Variants in KCNIP4 observed in about 807,000 individuals in gnomAD.
The protein encoded by KCNIP4 is potassium voltage-gated channel interacting protein 4.
In KCNIP4, 12 loss-of-function variants were observed where a neutral mutation model predicts 34.0. The ratio of observed to expected loss-of-function variants is 0.35; its 90% CI spans 0.23 to 0.57. KCNIP4 has a LOEUF of 0.57. KCNIP4 is among the 20% of genes least tolerant of loss of function. The pLI is 0.83. For synonymous variants in KCNIP4, 124 were observed against 102.2 expected, an observed-to-expected ratio of 1.21 and a Z score of -1.29; for missense variants, 238 against 311.7, an observed-to-expected ratio of 0.76 and a Z score of 1.78.
intron 1 of KCNIP4, among the ~76,000 whole-genome samples, chr4:21,107,521 A>G (rs1288984965): frequency 6.6e-6 from 1 of 150,422 alleles, no homozygotes; most frequent in Non-Finnish European, 1.5e-5. Context: ...TTTCCTGAAT[A>G]CAGCACACTG....
chr4:21,547,674 T>C (rs550296231), intron 1 of KCNIP4, among the ~76,000 whole-genome samples: 2 of 152,230 alleles, frequency 1.3e-5, no homozygotes, highest in African/African-American at 4.8e-5. Flanking sequence ...CAATCTCAGA[T>C]ACATAAGGCC....
At chr4:21,154,216 G>A (rs184848444) in intron 1 of KCNIP4, among the ~76,000 whole-genome samples, 2 of 152,114 alleles carry the variant, frequency 1.3e-5, no homozygotes, top group African/African-American at 4.8e-5. Flanking sequence ...AGTGATAAAT[G>A]GTTTACATGA....
intron 1 of KCNIP4, among the ~76,000 whole-genome samples, chr4:21,451,732 A>T (rs1728520875): frequency 1.3e-5 from 2 of 152,142 alleles, no homozygotes; most frequent in South Asian, 4.1e-4. Flanking sequence ...GGTAACAGTT[A>T]TCAAAACTAC....
intron 1 of KCNIP4, among the ~76,000 whole-genome samples, chr4:21,863,759 C>A (rs1445937175): frequency 6.6e-6 from 1 of 152,178 alleles, no homozygotes; most frequent in Non-Finnish European, 1.5e-5. Context: ...ACCATACCTG[C>A]AACTATCCCC....
chr4:20,888,416 A>T (rs1725555176), intron 1 of KCNIP4, among the ~76,000 whole-genome samples: 1 of 152,172 alleles, frequency 6.6e-6, no homozygotes, highest in Non-Finnish European at 1.5e-5. Flanking sequence ...TAGCAGATGC[A>T]TTTAGAATGT....
At chr4:21,709,044 C>G (rs1713508256) in intron 1 of KCNIP4, among the ~76,000 whole-genome samples, 1 of 151,858 alleles carries the variant, frequency 6.6e-6, no homozygotes, top group Non-Finnish European at 1.5e-5. Flanking sequence ...TATGAGTAAG[C>G]TGAACTCTAA....
At chr4:21,284,082 G>A (rs1020355250) in intron 1 of KCNIP4, among the ~76,000 whole-genome samples, 15 of 151,770 alleles carry the variant, frequency 9.9e-5, no homozygotes, top group Admixed American at 2.0e-4. Flanking sequence ...GTGTGGTGGC[G>A]GGCGCCTGTA....
chr4:20,748,560 T>TATA (rs1752879061), intron 5 of KCNIP4, among the ~76,000 whole-genome samples: 7 of 64,902 alleles, frequency 1.1e-4, no homozygotes, highest in Non-Finnish European at 1.2e-4. Context: ...CTTCCAAATT[T>TATA]TATATATATA....
At chr4:20,756,092 C>G (rs1024804520) in intron 4 of KCNIP4, among the ~76,000 whole-genome samples, 9 of 151,598 alleles carry the variant, frequency 5.9e-5, no homozygotes, top group Non-Finnish European at 1.3e-4. Context: ...GAGGGGTCAT[C>G]AGAATCAGAG....
intron 1 of KCNIP4, among the ~76,000 whole-genome samples, chr4:20,975,499 ACTAT>A: frequency 6.6e-6 from 1 of 152,270 alleles, no homozygotes; most frequent in Non-Finnish European, 1.5e-5. Flanking sequence ...TTATATAACA[ACTAT>A]CTAAGTTGGT....
At chr4:21,642,483 G>A (rs886342014) in intron 1 of KCNIP4, among the ~76,000 whole-genome samples, 4 of 152,092 alleles carry the variant, frequency 2.6e-5, no homozygotes, top group Non-Finnish European at 4.4e-5. Context: ...ACTTTGAATC[G>A]ATATCCAAAA....
Position 20,837,786 on chromosome 4 carries a change from A to G in KCNIP4, c.288+12757T>C, listed in dbSNP as rs546986902. 2.6e-5 allele frequency among the ~76,000 whole-genome samples: 4 copies of G among 151,254 alleles called. No homozygotes were observed. The East Asian group carries it at 5.8e-4, about 22-fold the overall frequency. Reference sequence around the variant, plus strand: ...AACCTCTGCCTCCCAGGTTCAAGCAATTCTCATGCCTCAGCCTCCCGAGTA... The same window carrying G: ...AACCTCTGCCTCCCAGGTTCAAGCAGTTCTCATGCCTCAGCCTCCCGAGTA... On this transcript the variant is annotated intron_variant, in intron 3 of 8. Transcript: ENST00000382152.
intron 1 of KCNIP4, among the ~76,000 whole-genome samples, chr4:21,402,375 A>C (rs984049716): frequency 1.3e-5 from 2 of 152,214 alleles, no homozygotes; most frequent in South Asian, 4.1e-4. Flanking sequence ...GTCTCTTCAT[A>C]TTATCACAGT....
At chr4:20,887,253 T>G (rs1223151954) in intron 1 of KCNIP4, among the ~76,000 whole-genome samples, 5 of 151,878 alleles carry the variant, frequency 3.3e-5, no homozygotes, top group African/African-American at 9.7e-5. Flanking sequence ...TACTCATCTG[T>G]GCATCATATC....
intron 1 of KCNIP4, among the ~76,000 whole-genome samples, chr4:21,193,309 C>A (rs1024765515): frequency 1.3e-5 from 2 of 152,122 alleles, no homozygotes; most frequent in African/African-American, 4.8e-5. Context: ...CTTTGTGTCA[C>A]AGCTGAGCTC....
chr4:21,811,846 C>T (rs1364889171), intron 1 of KCNIP4, among the ~76,000 whole-genome samples: 2 of 152,208 alleles, frequency 1.3e-5, no homozygotes, highest in Admixed American at 1.3e-4. Flanking sequence ...TGTGTCTCAA[C>T]CAACAGAGGC....
Position 21,753,571 on chromosome 4 carries a change from A to G in KCNIP4, c.61+195000T>C, listed in dbSNP as rs149909086. On this transcript the variant is annotated intron_variant, in intron 1 of 8. Transcript: ENST00000382152. ...GCCCTAGGTTACTTCCAGTAAGCCAACAGCAAATCAGAATGGAATGTGTGA... is the reference window on the plus strand; with the variant it reads ...GCCCTAGGTTACTTCCAGTAAGCCAGCAGCAAATCAGAATGGAATGTGTGA... Among the ~76,000 whole-genome samples, 196 of 152,310 alleles carry G rather than the reference A, an allele frequency of 1.3e-3. 1 individual carries two copies. Among genetic ancestry groups the G allele is most frequent in the African/African-American group, 4.5e-3 (185 of 41,572 alleles).
intron 1 of KCNIP4, among the ~76,000 whole-genome samples, chr4:21,484,484 A>T (rs1049352434): frequency 6.6e-6 from 1 of 152,174 alleles, no homozygotes; most frequent in Non-Finnish European, 1.5e-5. Context: ...TAATTACATA[A>T]CTCATTAAAT....
rs202207852 is a variant in KCNIP4 at position 21,603,697 on chromosome 4, AT to A, written c.61+344873del. Among the ~76,000 whole-genome samples, 412 of 149,902 alleles carry A rather than the reference AT, an allele frequency of 2.7e-3. 3 individuals are homozygous for A. Among genetic ancestry groups the A allele is most frequent in the African/African-American group, 7.1e-3 (291 of 40,988 alleles). ...AGACAATTAAAAGTAAGTAGCAATG[AT>A]AAAAAAAAAAATCCAGTTAAATGAA... is the stretch of plus-strand genomic sequence containing the variant. On this transcript the variant is annotated intron_variant, in intron 1 of 8. Transcript: ENST00000382152.
Sources: gnomAD v4.1 joint callset for allele counts (sites outside exome capture counted in the v4.1 genomes callset) on GRCh38, gnomAD v4.1.1 for gene constraint, MANE v1.5 for transcripts, NCBI Gene and HGNC (gene_info 2026-07-23, HGNC 2026-07-21) for gene names.